Variants in USP25 observed in about 807,000 individuals in gnomAD.
USP25 encodes the protein ubiquitin carboxyl-terminal hydrolase 25.
USP25 carries 85 observed loss-of-function variants against 158.5 expected under a neutral mutation model. That is an observed-to-expected ratio of 0.54 (90% CI 0.45 to 0.64). The LOEUF is 0.64. Ranked by LOEUF, USP25 falls within the 30% of genes least tolerant of loss-of-function variation. USP25 has a pLI of 0.00. For synonymous variants in USP25, 464 were observed against 460.4 expected (o/e 1.01, Z -0.10); for missense variants, 1,242 against 1,327.3 (o/e 0.94, Z 1.00).
At chr21:15,739,723 C>A (rs1000019297) in intron 1 of USP25, among the ~76,000 whole-genome samples, 8 of 152,130 alleles carry the variant, frequency 5.3e-5, no homozygotes, top group African/African-American at 1.7e-4. Context: ...CTGCCTTTTT[C>A]CTACAATATA....
intron 1 of USP25, among the ~76,000 whole-genome samples, chr21:15,740,703 T>TAATTCCTA (rs1323256177): frequency 1.4e-5 from 2 of 138,740 alleles, no homozygotes; most frequent in Non-Finnish European, 3.1e-5. Flanking sequence ...TGTGTATGAA[T>TAATTCCTA]AATTCCTATA....
intron 2 of USP25, among the ~76,000 whole-genome samples, chr21:15,764,543 A>C (rs975504724): frequency 1.7e-4 from 26 of 152,122 alleles, no homozygotes; most frequent in African/African-American, 6.3e-4. Flanking sequence ...GATTAATTTC[A>C]GTACTTTTAA....
Position 15,846,156 on chromosome 21 carries a change from A to AT in USP25, c.2338-1506dup, listed in dbSNP as rs1194653073. On this transcript the variant is annotated intron_variant, in intron 18 of 25. Transcript: ENST00000400183. Reference sequence around the variant, plus strand: ...TATATATATATATATATATATATATATATTTTTTTTTTTTTTTTTTTTTTG... The same window carrying AT: ...TATATATATATATATATATATATATATTATTTTTTTTTTTTTTTTTTTTTTG... Among the ~76,000 whole-genome samples the AT allele has an allele frequency of 7.1e-3, 132 of 18,528 alleles. 2 individuals are homozygous for AT. The highest frequency in any genetic ancestry group is 0.012 in the South Asian group (4 of 332). 12.2% of individuals were successfully genotyped at this position (18,528 alleles called of 152,430 possible). A position where few individuals can be genotyped will look rare whatever the true frequency, so the allele number is the denominator to read the frequency against.
chr21:15,827,072 C>G lies in USP25; in HGVS notation c.1562C>G (p.Pro521Arg), dbSNP rs1201685129. The change falls in exon 14 of 26, where the codon CCA becomes CGA. Residue 521 changes from proline to arginine, a missense_variant. Transcript: ENST00000400183. ...TCATCGAGATCAGTAATACACAAAC[C>G]ATTTACTCAGTCCCGGATACCTCCA... ...AISSRSVIHKPFTQSRIPPDL... is the reference protein window; with the variant it reads ...AISSRSVIHKRFTQSRIPPDL... 11 of 1,614,198 alleles carry G rather than the reference C, an allele frequency of 6.8e-6. No individual in the cohort carries two copies. The highest frequency in any genetic ancestry group is 9.3e-6 in the Non-Finnish European group (11 of 1,180,038).
At chr21:15,756,280 C>G (rs1052835251) in intron 1 of USP25, among the ~76,000 whole-genome samples, 9 of 152,142 alleles carry the variant, frequency 5.9e-5, no homozygotes, top group Non-Finnish European at 1.3e-4. Context: ...GAGAAAACCT[C>G]TCCCTGTGCT....
intron 1 of USP25, among the ~76,000 whole-genome samples, chr21:15,754,024 A>G (rs960560086): frequency 5.3e-5 from 8 of 152,136 alleles, no homozygotes; most frequent in African/African-American, 1.2e-4. Context: ...AGTTGTTGCA[A>G]CCCTCTTGCT....
intron 16 of USP25, among the ~76,000 whole-genome samples, chr21:15,832,748 G>T (rs2037866125): frequency 6.6e-6 from 1 of 152,068 alleles, no homozygotes; most frequent in South Asian, 2.1e-4. Context: ...GCCGGGCGCG[G>T]TGGCTTATGC....
chr21:15,802,675 G>A (rs1289100966), intron 6 of USP25, among the ~76,000 whole-genome samples: 1 of 151,622 alleles, frequency 6.6e-6, no homozygotes, highest in Non-Finnish European at 1.5e-5. Context: ...TCTTATAAGA[G>A]ACATCTTACC....
At chr21:15,767,697 A>T (rs1286633894) in intron 3 of USP25, among the ~76,000 whole-genome samples, 5 of 152,056 alleles carry the variant, frequency 3.3e-5, no homozygotes, top group Non-Finnish European at 7.4e-5. Flanking sequence ...AGGGAAAAGG[A>T]TAATTTTGAC....
chr21:15,872,994 T>C (rs1007925166), intron 23 of USP25, among the ~76,000 whole-genome samples: 15 of 152,178 alleles, frequency 9.9e-5, no homozygotes, highest in Non-Finnish European at 1.8e-4. Context: ...TAAAATAATA[T>C]TTTTTATTTC....
At position 15,791,548 on chromosome 21, in the gene USP25, A is replaced by T; in HGVS notation, c.439A>T (p.Thr147Ser). Residue 147 changes from threonine (T) to serine (S), a missense_variant, in exon 5 of 26, where the codon ACA becomes TCA. By Grantham distance (58) the Thr-to-Ser change is moderately conservative (BLOSUM62 1). Transcript: ENST00000400183. ...AGAGAATAAAGCATGTTTGAAGAGG[A>T]CACCTACAGAAGTTTGGAGGGATTC... The part of the protein sequence containing the change: ...IAENKACLKR[T>S]PTEVWRDSRN... 1 of 1,611,356 alleles carries T rather than the reference A, an allele frequency of 6.2e-7. No homozygotes were observed. The highest frequency in any genetic ancestry group is 2.2e-5 in the East Asian group (1 of 44,782).
intron 9 of USP25, 31 bp downstream of exon 9, chr21:15,811,241 G>A: frequency 6.5e-7 from 1 of 1,547,250 alleles, no homozygotes; most frequent in Non-Finnish European, 8.8e-7. Context: ...TTTATTGCAA[G>A]TGAAGAGAGA....
chr21:15,810,415 C>T (rs188436098), intron 8 of USP25, among the ~76,000 whole-genome samples: 5 of 152,062 alleles, frequency 3.3e-5, no homozygotes, highest in African/African-American at 7.2e-5. Flanking sequence ...GTGGATACAA[C>T]GCATTTCTAT....
chr21:15,857,989 G>C (rs28445708), intron 20 of USP25, among the ~76,000 whole-genome samples: 13,949 of 119,362 alleles, frequency 0.12, 2,055 homozygotes, highest in African/African-American at 0.38. Flanking sequence ...TATACTTAAT[G>C]ATATACTAAA....
intron 10 of USP25, among the ~76,000 whole-genome samples, chr21:15,821,997 A>G (rs1006061352): frequency 2.0e-5 from 3 of 151,962 alleles, no homozygotes; most frequent in African/African-American, 7.2e-5. Context: ...GCAGAAATCT[A>G]TTCCTCCTGT....
At chr21:15,762,793 TTTTG>T (rs2033810026) in intron 1 of USP25, 94 bp from the exon 2 acceptor site, 6 of 1,115,636 alleles carry the variant, frequency 5.4e-6, no homozygotes, top group Non-Finnish European at 7.7e-6. Context: ...TTATTCTGTT[TTTTG>T]TTTGTTTTGG....
chr21:15,851,218 T>G (rs868095177), intron 20 of USP25, among the ~76,000 whole-genome samples: 3 of 152,238 alleles, frequency 2.0e-5, no homozygotes, highest in South Asian at 2.1e-4. Flanking sequence ...AGATTGGGTC[T>G]TCTTATGTTG....
intron 23 of USP25, among the ~76,000 whole-genome samples, chr21:15,871,611 A>T (rs182765814): frequency 6.6e-6 from 1 of 152,280 alleles, no homozygotes; most frequent in Admixed American, 6.5e-5. Flanking sequence ...TGAAACTGTC[A>T]CTTTGTACCT....
intron 3 of USP25, among the ~76,000 whole-genome samples, chr21:15,776,577 G>GT (rs201107463): frequency 0.015 from 2,120 of 145,500 alleles, 50 homozygotes; most frequent in African/African-American, 0.05. Flanking sequence ...TATCCTGTTT[G>GT]TTTTTTTTTT....
Sources: gnomAD v4.1 joint callset for allele counts (sites outside exome capture counted in the v4.1 genomes callset) on GRCh38, gnomAD v4.1.1 for gene constraint, MANE v1.5 for transcripts, NCBI Gene and HGNC (gene_info 2026-07-23, HGNC 2026-07-21) for gene names.